The following GLP2R variants were observed in gnomAD, a reference collection of about 807,000 sequenced individuals.
The protein encoded by GLP2R is glucagon like peptide 2 receptor.
In GLP2R, 59 loss-of-function variants were observed where a neutral mutation model predicts 68.2. The ratio of observed to expected loss-of-function variants is 0.87; its 90% CI spans 0.70 to 1.07. GLP2R has a LOEUF of 1.07. Ranked by LOEUF, GLP2R falls within the 50% of genes least tolerant of loss-of-function variation. The pLI is 0.00. For synonymous variants in GLP2R, 270 were observed against 265.4 expected (o/e 1.02, Z -0.17); for missense variants, 548 against 677.4 (o/e 0.81, Z 2.12).
intron 4 of GLP2R, among the ~76,000 whole-genome samples, chr17:9,845,930 G>A (rs2066834244): frequency 6.6e-6 from 1 of 152,080 alleles, no homozygotes; most frequent in African/African-American, 2.4e-5. Context: ...ACACAAACAA[G>A]TTATTTACAT....
In GLP2R at chr17:9,839,576, C is replaced by T. The variant is rs370091548; in HGVS notation, c.383-2919C>T. ...GCACCCTCTGCTGCTTCTCCATGGC[C>T]TCCTCTCCAGTCCCTGCCTCAGATC... is the stretch of plus-strand genomic sequence containing the variant. On this transcript the variant is annotated intron_variant, in intron 3 of 12. Transcript: ENST00000262441. Among the ~76,000 whole-genome samples, 32 of 152,268 alleles carry T rather than the reference C, an allele frequency of 2.1e-4. No homozygotes were observed. In the South Asian group the frequency reaches 4.6e-3, roughly 22 times the overall value.
intron 6 of GLP2R, among the ~76,000 whole-genome samples, chr17:9,857,845 C>A (rs2066948565): frequency 6.6e-6 from 1 of 152,194 alleles, no homozygotes; most frequent in Non-Finnish European, 1.5e-5. Flanking sequence ...AGAATTGGAC[C>A]AGATCAACGT....
intron 4 of GLP2R, among the ~76,000 whole-genome samples, chr17:9,848,062 C>G (rs2066857829): frequency 6.6e-6 from 1 of 152,204 alleles, no homozygotes; most frequent in African/African-American, 2.4e-5. Flanking sequence ...CTCTTACTTT[C>G]CTACTGGATT....
At chr17:9,882,808 G>T (rs1363672378) in intron 11 of GLP2R, among the ~76,000 whole-genome samples, 8 of 152,200 alleles carry the variant, frequency 5.3e-5, no homozygotes. Context: ...TACCACAGCA[G>T]AGACAGATTC....
intron 10 of GLP2R, among the ~76,000 whole-genome samples, chr17:9,872,587 C>A (rs2067105279): frequency 6.6e-6 from 1 of 152,088 alleles, no homozygotes; most frequent in African/African-American, 2.4e-5. Context: ...CAAAAACAAA[C>A]AAACAAAAAA....
chr17:9,846,480 T>A (rs2066840043), intron 4 of GLP2R, among the ~76,000 whole-genome samples: 1 of 152,146 alleles, frequency 6.6e-6, no homozygotes, highest in Non-Finnish European at 1.5e-5. Context: ...TAGCTGGGCA[T>A]GGTGGTGTGC....
intron 4 of GLP2R, among the ~76,000 whole-genome samples, chr17:9,845,569 C>A (rs117802444): frequency 6.6e-6 from 1 of 152,076 alleles, no homozygotes. Context: ...GTGATTATTG[C>A]GTTTCTTTTC....
chr17:9,848,865 G>C (rs1406716001), intron 4 of GLP2R, among the ~76,000 whole-genome samples: 2 of 107,480 alleles, frequency 1.9e-5, no homozygotes, highest in Non-Finnish European at 3.5e-5. Flanking sequence ...TTTTAAAGGA[G>C]ATTGTGTGTG....
At chr17:9,848,867 TTG>T (rs144324194) in intron 4 of GLP2R, among the ~76,000 whole-genome samples, 190 of 139,238 alleles carry the variant, frequency 1.4e-3, no homozygotes, top group Non-Finnish European at 1.7e-3. Context: ...TTAAAGGAGA[TTG>T]TGTGTGTGTG....
In GLP2R at chr17:9,843,677, G is replaced by T. The variant is rs73974310; in HGVS notation, c.504+1061G>T. Reference sequence around the variant, plus strand: ...TTGGACTCTTGCTCTTCTCCCTGAGGACCTCCTGTTTGTCCAACATCTGCT... The same window carrying T: ...TTGGACTCTTGCTCTTCTCCCTGAGTACCTCCTGTTTGTCCAACATCTGCT... On this transcript the variant is annotated intron_variant, in intron 4 of 12. Transcript: ENST00000262441. Among the ~76,000 whole-genome samples the T allele has an allele frequency of 1.0e-2, 1,521 of 152,252 alleles. 31 individuals are homozygous for T. The highest frequency in any genetic ancestry group is 0.035 in the African/African-American group (1,452 of 41,532).
chr17:9,870,596 C>G, intron 9 of GLP2R, 151 bp from the exon 10 acceptor site: 1 of 667,266 alleles, frequency 1.5e-6, no homozygotes, highest in Non-Finnish European at 2.7e-6. Flanking sequence ...GAGATCACAG[C>G]TAAGCATTTA....
At chr17:9,861,419 G>A (rs760571102) in intron 8 of GLP2R, among the ~76,000 whole-genome samples, 1 of 152,086 alleles carries the variant, frequency 6.6e-6, no homozygotes, top group Non-Finnish European at 1.5e-5. Context: ...ATGCTGTATA[G>A]GTTAGCTGCA....
At position 9,836,354 on chromosome 17, in the gene GLP2R, C is replaced by G; in HGVS notation, c.278-17C>G. Reference sequence around the variant, plus strand: ...GCTAAAACACTGATGTTTATCAGACCCTTCTTCTCTCTGTAGGCATATTTT... The same window carrying G: ...GCTAAAACACTGATGTTTATCAGACGCTTCTTCTCTCTGTAGGCATATTTT... On this transcript the variant is annotated splice_polypyrimidine_tract_variant and intron_variant, in intron 2 of 12. Coordinates refer to ENST00000262441, the MANE Select transcript of GLP2R (RefSeq NM_004246.3). The G allele has an allele frequency of 6.6e-7, 1 of 1,516,632 alleles. No homozygotes were observed. The highest frequency in any genetic ancestry group is 9.2e-7 in the Non-Finnish European group (1 of 1,091,418). The allele number at this position is 1,516,632 out of a possible 1,614,324, so 93.9% of individuals were successfully genotyped here.
At chr17:9,834,583 AG>A (rs2066710003) in intron 2 of GLP2R, 1 of 152,562 alleles carries the variant, frequency 6.6e-6, no homozygotes, top group African/African-American at 2.4e-5. Context: ...CACCTCCAAA[AG>A]AAAAAAAGAA....
intron 6 of GLP2R, among the ~76,000 whole-genome samples, chr17:9,859,593 C>G (rs2066965673): frequency 6.6e-6 from 1 of 150,402 alleles, no homozygotes; most frequent in African/African-American, 2.5e-5. Flanking sequence ...GAGATCGAGA[C>G]CATCCTGGCC....
At chr17:9,883,861 T>C (rs550969998) in intron 11 of GLP2R, among the ~76,000 whole-genome samples, 3 of 152,302 alleles carry the variant, frequency 2.0e-5, no homozygotes, top group Non-Finnish European at 4.4e-5. Flanking sequence ...TATCAAAGGA[T>C]GTCCTTCATG....
At chr17:9,848,158 T>C (rs1367199186) in intron 4 of GLP2R, among the ~76,000 whole-genome samples, 1 of 152,240 alleles carries the variant, frequency 6.6e-6, no homozygotes, top group Non-Finnish European at 1.5e-5. Context: ...ACACCTGTAG[T>C]TGGATTAGAT....
chr17:9,861,638 C>T (rs1384981324), intron 8 of GLP2R, among the ~76,000 whole-genome samples: 1 of 151,734 alleles, frequency 6.6e-6, no homozygotes, highest in Non-Finnish European at 1.5e-5. Flanking sequence ...AACTTTTAGG[C>T]ACTGATTCTC....
At chr17:9,864,514 G>A (rs2067017151) in intron 9 of GLP2R, among the ~76,000 whole-genome samples, 1 of 144,230 alleles carries the variant, frequency 6.9e-6, no homozygotes, top group Non-Finnish European at 1.5e-5. Context: ...TTGTTTGTTT[G>A]TTTTGTTTTT....
Sources: gnomAD v4.1 joint callset for allele counts (sites outside exome capture counted in the v4.1 genomes callset) on GRCh38, gnomAD v4.1.1 for gene constraint, MANE v1.5 for transcripts, NCBI Gene and HGNC (gene_info 2026-07-23, HGNC 2026-07-21) for gene names.